Variants in ME3 observed in about 807,000 individuals in gnomAD.
ME3 encodes the protein malic enzyme 3, also known as NADP-dependent malic enzyme, mitochondrial.
In ME3, 48 loss-of-function variants were observed where a neutral mutation model predicts 68.9. The ratio of observed to expected loss-of-function variants is 0.70; its 90% CI spans 0.55 to 0.89. The LOEUF is 0.89. Ranked by LOEUF, ME3 falls within the 40% of genes least tolerant of loss-of-function variation. ME3 has a pLI of 0.00. For missense variants in ME3, 675 were observed against 797.4 expected (o/e 0.85, Z 1.85); for synonymous variants, 320 against 318.8 (o/e 1.00, Z -0.04).
intron 2 of ME3, among the ~76,000 whole-genome samples, chr11:86,614,039 C>T (rs1457804185): frequency 6.6e-6 from 1 of 152,162 alleles, no homozygotes; most frequent in Non-Finnish European, 1.5e-5. Flanking sequence ...AAGAACAAAG[C>T]TGGTGACATC....
At chr11:86,489,324 G>C (rs1951863380) in intron 6 of ME3, 1 of 152,154 alleles carries the variant, frequency 6.6e-6, no homozygotes, top group Non-Finnish European at 1.5e-5. Flanking sequence ...CTATCAAATG[G>C]GGATAAAATA....
chr11:86,441,036 G>A (rs1948968759), downstream of ME3: 1 of 325,320 alleles, frequency 3.1e-6, no homozygotes. Context: ...GCCAGTAGTT[G>A]GTGATTAATG....
intron 7 of ME3, among the ~76,000 whole-genome samples, chr11:86,483,558 A>C (rs1312005088): frequency 6.6e-6 from 1 of 152,108 alleles, no homozygotes; most frequent in African/African-American, 2.4e-5. Flanking sequence ...TGAATGAATG[A>C]ATGCACAGAG....
At chr11:86,642,124 C>G (rs1944709129) in intron 2 of ME3, among the ~76,000 whole-genome samples, 1 of 152,120 alleles carries the variant, frequency 6.6e-6, no homozygotes, top group Non-Finnish European at 1.5e-5. Context: ...TGCATGAACT[C>G]CAAATCCTGT....
chr11:86,607,488 A>G (rs1961865868), intron 2 of ME3, among the ~76,000 whole-genome samples: 1 of 149,114 alleles, frequency 6.7e-6, no homozygotes, highest in Non-Finnish European at 1.5e-5. Context: ...TTCAGGGGAA[A>G]ATATCCAAAT....
intron 4 of ME3, among the ~76,000 whole-genome samples, chr11:86,511,500 G>A (rs1175578776): frequency 6.6e-6 from 1 of 152,154 alleles, no homozygotes; most frequent in Non-Finnish European, 1.5e-5. Context: ...AGTCTCACAG[G>A]CTGGCTGTCC....
At chr11:86,559,453 T>G (rs1032954414) in intron 3 of ME3, among the ~76,000 whole-genome samples, 3 of 152,190 alleles carry the variant, frequency 2.0e-5, no homozygotes, top group Non-Finnish European at 4.4e-5. Context: ...ATTCCACTAG[T>G]TGGAATGCAG....
At chr11:86,595,043 C>T (rs1037565944) in intron 2 of ME3, among the ~76,000 whole-genome samples, 1 of 144,892 alleles carries the variant, frequency 6.9e-6, no homozygotes, top group African/African-American at 2.6e-5. Flanking sequence ...TCCTGGTCAA[C>T]TATAGAGCAT....
At chr11:86,639,069 T>C (rs1944514154) in intron 2 of ME3, among the ~76,000 whole-genome samples, 1 of 152,188 alleles carries the variant, frequency 6.6e-6, no homozygotes, top group South Asian at 2.1e-4. Context: ...AGCCTCTCAC[T>C]CTATATTAAT....
At chr11:86,453,914 G>A (rs992049130) in intron 8 of ME3, among the ~76,000 whole-genome samples, 3 of 152,202 alleles carry the variant, frequency 2.0e-5, no homozygotes, top group Non-Finnish European at 2.9e-5. Flanking sequence ...CTCAGAAGTT[G>A]TAGCAGATCC....
chr11:86,491,061 C>T lies in ME3; in HGVS notation c.706-3621G>A, dbSNP rs113461439. ...AATAAAATGTTCTATGTCTCAGATA[C>T]TTTAACCACAAAAAATGAAAAAAAG... is the stretch of plus-strand genomic sequence containing the variant. On this transcript the variant is annotated intron_variant, in intron 6 of 14. Transcript: ENST00000543262. Among the ~76,000 whole-genome samples the T allele has an allele frequency of 9.2e-3, 1,397 of 152,230 alleles. 18 individuals carry two copies. The highest frequency in any genetic ancestry group is 0.029 in the African/African-American group (1,215 of 41,532).
intron 2 of ME3, among the ~76,000 whole-genome samples, chr11:86,637,349 C>CAAAAAAAAAAAAAAAAAAAAAA (rs11402713): frequency 8.2e-6 from 1 of 122,076 alleles, no homozygotes; most frequent in Non-Finnish European, 1.7e-5. Context: ...ACAAGAAGCA[C>CAAAAAAAAAAAAAAAAAAAAAA]AAAAAAAAAA....
chr11:86,655,345 C>G (rs1488709197), intron 2 of ME3, among the ~76,000 whole-genome samples: 2 of 152,240 alleles, frequency 1.3e-5, no homozygotes, highest in Admixed American at 6.5e-5. Context: ...TGACTTCAAA[C>G]TATACTACAA....
At chr11:86,515,320 T>A (rs752838105) in intron 4 of ME3, among the ~76,000 whole-genome samples, 1 of 152,206 alleles carries the variant, frequency 6.6e-6, no homozygotes, top group African/African-American at 2.4e-5. Context: ...TACATTGTCA[T>A]AATGCTCTTG....
At chr11:86,531,396 T>G (rs1955218863) in intron 4 of ME3, among the ~76,000 whole-genome samples, 1 of 152,184 alleles carries the variant, frequency 6.6e-6, no homozygotes, top group African/African-American at 2.4e-5. Flanking sequence ...TTTACACTGT[T>G]GGTGGGACTG....
At chr11:86,539,579 G>C (rs981691371) in intron 4 of ME3, among the ~76,000 whole-genome samples, 1 of 152,128 alleles carries the variant, frequency 6.6e-6, no homozygotes, top group African/African-American at 2.4e-5. Context: ...TTAATAAGAA[G>C]ACAGTCTGTA....
At chr11:86,605,231 ATTAT>A (rs1247130640) in intron 2 of ME3, among the ~76,000 whole-genome samples, 3 of 152,144 alleles carry the variant, frequency 2.0e-5, no homozygotes, top group East Asian at 1.9e-4. Flanking sequence ...CATACTGCAA[ATTAT>A]TTATCCATTC....
chr11:86,487,792 G>A (rs1349135088), intron 6 of ME3, among the ~76,000 whole-genome samples: 1 of 152,190 alleles, frequency 6.6e-6, no homozygotes. Context: ...ATTCTTTAAC[G>A]TGAGGCCTGA....
chr11:86,538,259 T>G (rs1428243143), intron 4 of ME3, among the ~76,000 whole-genome samples: 3 of 152,188 alleles, frequency 2.0e-5, no homozygotes, highest in Admixed American at 1.3e-4. Context: ...GACGTTGGAA[T>G]AGAATAGATT....
Sources: allele counts gnomAD v4.1 joint callset (sites outside exome capture counted in the v4.1 genomes callset), GRCh38; gene constraint gnomAD v4.1.1; transcripts MANE v1.5; gene names NCBI Gene and HGNC (gene_info 2026-07-23, HGNC 2026-07-21).